Variants in TENM2 observed in about 807,000 individuals in gnomAD.
The protein encoded by TENM2 is teneurin transmembrane protein 2.
Under a neutral mutation model 245.2 loss-of-function variants are expected in TENM2, and 52 were observed. The observed-to-expected ratio is 0.21, with a 90% CI of 0.17 to 0.27. The LOEUF is 0.27. Among genes scored for constraint, TENM2 ranks in the 10% least tolerant of loss-of-function variants. The probability of loss-of-function intolerance (pLI) is 1.00; values close to 1 mark genes in which losing one functional copy is unlikely to be tolerated. For missense variants in TENM2, 3,046 were observed against 3,666.8 expected (o/e 0.83, Z 4.37); for synonymous variants, 1,363 against 1,438.9 (o/e 0.95, Z 1.19).
chr5:167,866,515 A>G (rs1042010515), intron 2 of TENM2, among the ~76,000 whole-genome samples: 3 of 149,886 alleles, frequency 2.0e-5, no homozygotes, highest in African/African-American at 7.6e-5. Flanking sequence ...AAAAAAAAAA[A>G]AGTATTTGCC....
At chr5:168,010,409 G>A (rs779062297) in intron 5 of TENM2, among the ~76,000 whole-genome samples, 2 of 152,202 alleles carry the variant, frequency 1.3e-5, no homozygotes, top group Non-Finnish European at 2.9e-5. Context: ...TAAGAGAACA[G>A]CTTACACGGT....
the TENM2 span, among the ~76,000 whole-genome samples, chr5:167,262,933 G>T: frequency 6.6e-6 from 1 of 152,120 alleles, no homozygotes; most frequent in Non-Finnish European, 1.5e-5. Flanking sequence ...TCTGGTGAGA[G>T]CTTATTCCTC....
intron 2 of TENM2, among the ~76,000 whole-genome samples, chr5:167,691,788 G>A (rs1040551668): frequency 2.0e-5 from 3 of 152,138 alleles, no homozygotes; most frequent in Admixed American, 2.0e-4. Flanking sequence ...GGAAATTGAT[G>A]GACAAGGGGG....
At chr5:167,785,742 T>A in intron 2 of TENM2, among the ~76,000 whole-genome samples, 1 of 152,170 alleles carries the variant, frequency 6.6e-6, no homozygotes, top group Non-Finnish European at 1.5e-5. Flanking sequence ...AACTGGCAAA[T>A]CAGAGGTAGA....
chr5:167,285,812 C>T (rs147290349), intron 1 of TENM2, among the ~76,000 whole-genome samples: 248 of 152,314 alleles, frequency 1.6e-3, no homozygotes, highest in Non-Finnish European at 3.0e-3. Context: ...TACAGGCAAA[C>T]GCACAAAACT....
At chr5:168,185,515 G>A (rs1235072295) in intron 13 of TENM2, among the ~76,000 whole-genome samples, 2 of 152,090 alleles carry the variant, frequency 1.3e-5, no homozygotes, top group Non-Finnish European at 2.9e-5. Flanking sequence ...CTGAAGCACA[G>A]AGCAGTTAAT....
At chr5:167,519,012 G>C (rs989179316) in intron 2 of TENM2, among the ~76,000 whole-genome samples, 11 of 152,090 alleles carry the variant, frequency 7.2e-5, no homozygotes, top group Admixed American at 3.9e-4. Flanking sequence ...CCTGTAGAGA[G>C]AGCATGAAGA....
intron 2 of TENM2, among the ~76,000 whole-genome samples, chr5:167,694,769 A>G (rs1043758350): frequency 5.9e-5 from 9 of 152,176 alleles, no homozygotes; most frequent in African/African-American, 2.2e-4. Context: ...AGTGAAACTA[A>G]CTATAGAAGC....
chr5:167,309,628 C>T (rs1221788903), intron 1 of TENM2, among the ~76,000 whole-genome samples: 2 of 152,098 alleles, frequency 1.3e-5, no homozygotes, highest in Non-Finnish European at 2.9e-5. Context: ...CAAAACCAGG[C>T]TATGACTATA....
At chr5:167,233,017 C>T in the TENM2 span, among the ~76,000 whole-genome samples, 2 of 151,928 alleles carry the variant, frequency 1.3e-5, no homozygotes, top group African/African-American at 4.8e-5. Flanking sequence ...CTTGGACAGA[C>T]AGGACATGTA....
chr5:168,057,728 C>T (rs1163650414), intron 6 of TENM2, among the ~76,000 whole-genome samples: 1 of 152,096 alleles, frequency 6.6e-6, no homozygotes, highest in African/African-American at 2.4e-5. Flanking sequence ...CATGACTCTT[C>T]AAAAGGATCC....
At chr5:167,773,543 G>A (rs1763539064) in intron 2 of TENM2, among the ~76,000 whole-genome samples, 1 of 152,130 alleles carries the variant, frequency 6.6e-6, no homozygotes, top group African/African-American at 2.4e-5. Flanking sequence ...CACTGTCATG[G>A]ATAATTGTGT....
At chr5:168,090,839 A>G (rs1007525787) in intron 8 of TENM2, 70 bp downstream of exon 10, 1 of 1,376,008 alleles carries the variant, frequency 7.3e-7, no homozygotes, top group East Asian at 2.3e-5. Context: ...TCTCTGCAGA[A>G]GACACATCTT....
chr5:167,242,242 G>T, the TENM2 span, among the ~76,000 whole-genome samples: 2 of 151,892 alleles, frequency 1.3e-5, no homozygotes, highest in African/African-American at 4.8e-5. Flanking sequence ...TAGAGATGGG[G>T]TTTCCCCATG....
At chr5:167,813,167 T>C (rs2151001459) in intron 2 of TENM2, among the ~76,000 whole-genome samples, 1 of 152,234 alleles carries the variant, frequency 6.6e-6, no homozygotes, top group African/African-American at 2.4e-5. Flanking sequence ...GAGCAGTGGC[T>C]GGGCCTCTGC....
chr5:167,423,545 T>C (rs549379300), intron 2 of TENM2, among the ~76,000 whole-genome samples: 1 of 152,314 alleles, frequency 6.6e-6, no homozygotes, highest in Non-Finnish European at 1.5e-5. Context: ...ATTGAAGGAT[T>C]GATGTGCCTA....
At chr5:168,098,458 A>T (rs1328681937) in intron 9 of TENM2, among the ~76,000 whole-genome samples, 3 of 152,152 alleles carry the variant, frequency 2.0e-5, no homozygotes. Flanking sequence ...CTTCTATGTA[A>T]TGGAAGATTA....
chr5:166,988,892 G>A, the TENM2 span, among the ~76,000 whole-genome samples: 3 of 152,126 alleles, frequency 2.0e-5, no homozygotes, highest in African/African-American at 7.2e-5. Context: ...TGCATCCACT[G>A]GTTTGGCTTT....
intron 2 of TENM2, among the ~76,000 whole-genome samples, chr5:167,521,220 T>C (rs1380131815): frequency 6.6e-6 from 1 of 152,120 alleles, no homozygotes; most frequent in Non-Finnish European, 1.5e-5. Context: ...AAAATTAACT[T>C]TCAGTGTCTT....
Sources: gnomAD v4.1 joint callset for allele counts (sites outside exome capture counted in the v4.1 genomes callset) on GRCh38, gnomAD v4.1.1 for gene constraint, MANE v1.5 for transcripts, NCBI Gene and HGNC (gene_info 2026-07-23, HGNC 2026-07-21) for gene names.